The following ZBTB49 variants were observed in gnomAD, a reference collection of about 807,000 sequenced individuals.
ZBTB49 encodes zinc finger and BTB domain-containing protein 49.
In ZBTB49, 43 loss-of-function variants were observed where a neutral mutation model predicts 57.5. The observed-to-expected ratio is 0.75, with a 90% CI of 0.59 to 0.97. The LOEUF (loss-of-function observed/expected upper bound fraction) is 0.97. Among genes scored for constraint, ZBTB49 ranks in the 50% least tolerant of loss-of-function variants. The pLI is 0.00. For missense variants in ZBTB49, 938 were observed against 947.7 expected, an observed-to-expected ratio of 0.99 and a Z score of 0.13; for synonymous variants, 369 against 362.1, an observed-to-expected ratio of 1.02 and a Z score of -0.22.
At chr4:4,290,745 T>C (rs1301941201) in intron 1 of ZBTB49, among the ~76,000 whole-genome samples, 1 of 152,180 alleles carries the variant, frequency 6.6e-6, no homozygotes, top group Non-Finnish European at 1.5e-5. Context: ...TTCCACGCTG[T>C]AGTTGAGAGT....
rs200684455 is a variant in ZBTB49 at position 4,320,669 on chromosome 4, C to T, written c.1651C>T (p.Arg551Cys). 8.7e-6 allele frequency: 14 copies of T among 1,614,090 alleles called. No individual in the cohort carries two copies. The East Asian group carries it at 1.8e-4, about 21-fold the overall frequency. ...ATGTTTTGGGGGATCAGGTGACCTC[C>T]GCAGGCATGTCCGCACTCACACTGG... Reference protein sequence around the residue: ...GKCFGGSGDLRRHVRTHTGEK... With the variant: ...GKCFGGSGDLCRHVRTHTGEK... The change falls in exon 8 of 8, where the codon CGC (arginine) becomes TGC (cysteine). Residue 551 changes from arginine to cysteine, a missense_variant. Transcript: ENST00000337872.
Position 4,320,970 on chromosome 4 carries a change from C to G in ZBTB49, c.1952C>G (p.Ser651Cys). The G allele has an allele frequency of 6.2e-7, 1 of 1,614,204 alleles. No individual in the cohort carries two copies. The highest frequency in any genetic ancestry group is 8.5e-7 in the Non-Finnish European group (1 of 1,180,020). ...GAATTTGATAGCCACTCTGGCGGCT[C>G]CTATTGTAAGTTACGGTCCATGATC... is the stretch of plus-strand genomic sequence containing the variant. Reference protein sequence around the residue: ...VAEFDSHSGGSYCKLRSMIQP... With the variant: ...VAEFDSHSGGCYCKLRSMIQP... Residue 651 changes from serine to cysteine, a missense_variant, in exon 8 of 8, where the codon TCC becomes TGC. Coordinates refer to ENST00000337872, the MANE Select transcript of ZBTB49 (RefSeq NM_145291.4).
chr4:4,303,748 C>CTGTG (rs1436213894), intron 3 of ZBTB49, among the ~76,000 whole-genome samples: 34 of 50,350 alleles, frequency 6.8e-4, no homozygotes, highest in African/African-American at 1.9e-3. Flanking sequence ...CTCTCTCTCT[C>CTGTG]TCTCTCTCTC....
intron 4 of ZBTB49, among the ~76,000 whole-genome samples, chr4:4,310,210 G>A (rs948264717): frequency 6.6e-6 from 1 of 152,176 alleles, no homozygotes; most frequent in Non-Finnish European, 1.5e-5. Context: ...CCATTTGAAG[G>A]TAAAATGGTA....
chr4:4,301,835 CAG>C (rs1720485565), intron 2 of ZBTB49, among the ~76,000 whole-genome samples, 152 bp from the exon 3 acceptor site: 1 of 151,956 alleles, frequency 6.6e-6, no homozygotes, highest in African/African-American at 2.4e-5. Context: ...GATGGTTTGC[CAG>C]GTTGTTTTAA....
At position 4,302,044 on chromosome 4, in the gene ZBTB49, A is replaced by G. The variant is rs1720494237; in HGVS notation, c.208A>G (p.Lys70Glu). The change falls in exon 3 of 8, where the codon AAA becomes GAA. Residue 70 changes from lysine (K) to glutamate (E), a missense_variant. Around this residue, in one of 3 missense-constraint regions of ZBTB49, gnomAD observed 100 missense variants for 112.5 expected, o/e 0.89. Coordinates refer to ENST00000337872, the MANE Select transcript of ZBTB49 (RefSeq NM_145291.4). ...GAATGATGTTTTTCACTTGGATGTTAAAAATGTCAGTGGCATAGGGCAGAT... is the reference window on the plus strand; with the variant it reads ...GAATGATGTTTTTCACTTGGATGTTGAAAATGTCAGTGGCATAGGGCAGAT... ...QKNDVFHLDV[K>E]NVSGIGQILD... 6.3e-7 allele frequency: 1 copy of G among 1,596,086 alleles called. No homozygotes were observed. The highest frequency in any genetic ancestry group is 8.5e-7 in the Non-Finnish European group (1 of 1,170,338).
chr4:4,312,842 G>A (rs111969555), intron 4 of ZBTB49, among the ~76,000 whole-genome samples, 199 bp from the exon 5 acceptor site: 21 of 152,178 alleles, frequency 1.4e-4, no homozygotes, highest in Non-Finnish European at 1.9e-4. Flanking sequence ...GACACATCTC[G>A]TGTACAGCAG....
intron 3 of ZBTB49, among the ~76,000 whole-genome samples, chr4:4,305,025 C>T (rs1156598026): frequency 2.6e-5 from 4 of 152,178 alleles, no homozygotes; most frequent in Non-Finnish European, 5.9e-5. Context: ...GTCTTAGTAA[C>T]TGGTGACCTC....
At chr4:4,300,267 T>C (rs1343287963) in intron 2 of ZBTB49, among the ~76,000 whole-genome samples, 170 bp downstream of exon 2, 1 of 152,338 alleles carries the variant, frequency 6.6e-6, no homozygotes, top group Non-Finnish European at 1.5e-5. Context: ...ATTTTTATTA[T>C]TTTTGCTTTT....
intron 7 of ZBTB49, among the ~76,000 whole-genome samples, chr4:4,316,357 A>G (rs764373628): frequency 2.6e-5 from 4 of 152,134 alleles, no homozygotes; most frequent in Non-Finnish European, 5.9e-5. Flanking sequence ...GTCGGCTTCT[A>G]TAGATCACAA....
intron 4 of ZBTB49, among the ~76,000 whole-genome samples, chr4:4,310,245 C>G (rs1720925306): frequency 6.6e-6 from 1 of 152,156 alleles, no homozygotes; most frequent in African/African-American, 2.4e-5. Flanking sequence ...AGTTCCTTTA[C>G]TGCTAATATC....
intron 4 of ZBTB49, among the ~76,000 whole-genome samples, chr4:4,309,826 A>C (rs947551070): frequency 1.3e-5 from 2 of 152,234 alleles, no homozygotes; most frequent in East Asian, 1.9e-4. Flanking sequence ...TATATTTGCC[A>C]CACCTTTACC....
chr4:4,303,754 C>CTGTGTGTG (rs1436001121), intron 3 of ZBTB49, among the ~76,000 whole-genome samples: 1 of 67,822 alleles, frequency 1.5e-5, no homozygotes, highest in African/African-American at 5.2e-5. Flanking sequence ...CTCTCTCTCT[C>CTGTGTGTG]TCTCTCTGTG....
At chr4:4,304,025 C>T (rs1369980257) in intron 3 of ZBTB49, among the ~76,000 whole-genome samples, 4 of 151,996 alleles carry the variant, frequency 2.6e-5, no homozygotes, top group African/African-American at 7.3e-5. Flanking sequence ...ATTTTACGAC[C>T]TTGTATTATT....
rs746963054 is a variant in ZBTB49 at position 4,301,992 on chromosome 4, C to A, written c.156C>A (p.Ser52Arg). 2 of 1,521,260 alleles carry A rather than the reference C, an allele frequency of 1.3e-6. No homozygotes were observed. The highest frequency in any genetic ancestry group is 1.8e-6 in the Non-Finnish European group (2 of 1,134,810). 94.2% of individuals were successfully genotyped at this position (1,521,260 alleles called of 1,614,324 possible). A position where few individuals can be genotyped will look rare whatever the true frequency, so the allele number is the denominator to read the frequency against. ...VLAAFSQYFR[S>R]LFQNSSSQKN... ...CAGATATTCTTTCTTTTACCAGGAG[C>A]CTCTTTCAGAATTCTTCAAGCCAGA... Residue 52 changes from serine (S) to arginine (R), a missense_variant, in exon 3 of 8, where the codon AGC becomes AGA. Coordinates refer to ENST00000337872, the MANE Select transcript of ZBTB49 (RefSeq NM_145291.4).
intron 1 of ZBTB49, 59 bp from the exon 2 acceptor site, chr4:4,299,868 A>G (rs2108874485): frequency 6.5e-7 from 1 of 1,540,960 alleles, no homozygotes; most frequent in Non-Finnish European, 8.8e-7. Context: ...TTTCAGTCCC[A>G]TTTAGTTTCC....
intron 1 of ZBTB49, among the ~76,000 whole-genome samples, chr4:4,298,435 T>C (rs1354121285): frequency 6.8e-6 from 1 of 146,458 alleles, no homozygotes; most frequent in Non-Finnish European, 1.5e-5. Flanking sequence ...CTGCCTTTTT[T>C]TTTGAGATGG....
intron 4 of ZBTB49, among the ~76,000 whole-genome samples, chr4:4,309,551 T>A (rs1053225159): frequency 6.6e-6 from 1 of 152,174 alleles, no homozygotes; most frequent in South Asian, 2.1e-4. Context: ...TTCCTCCAAG[T>A]AGGCAGAAAC....
At chr4:4,312,466 A>G (rs886584497) in intron 4 of ZBTB49, among the ~76,000 whole-genome samples, 6 of 152,214 alleles carry the variant, frequency 3.9e-5, no homozygotes, top group African/African-American at 1.4e-4. Flanking sequence ...ATGGCCCTGC[A>G]CCTGAGAGGC....
Sources: allele counts gnomAD v4.1 joint callset (sites outside exome capture counted in the v4.1 genomes callset), GRCh38; gene constraint gnomAD v4.1.1; regional missense constraint gnomAD v4.1.1; transcripts MANE v1.5; gene names NCBI Gene and HGNC (gene_info 2026-07-23, HGNC 2026-07-21).